ABCA12: variants seen among roughly 807,000 people sequenced by gnomAD.
ABCA12 encodes glucosylceramide transporter ABCA12.
In ABCA12, 156 loss-of-function variants were observed where a neutral mutation model predicts 293.5. That is an observed-to-expected ratio of 0.53 (90% confidence interval 0.47 to 0.61). ABCA12 has a LOEUF of 0.61. Ranked by LOEUF, ABCA12 falls within the 20% of genes least tolerant of loss-of-function variation. The pLI, the probability that ABCA12 is intolerant of heterozygous loss-of-function variation, is 0.00. For synonymous variants in ABCA12, 1,063 were observed against 1,108.0 expected (o/e 0.96, Z 0.81); for missense variants, 2,797 against 3,090.2 (o/e 0.91, Z 2.25).
At position 214,945,078 on chromosome 2, in the gene ABCA12, C is replaced by T. The variant is rs759699877; in HGVS notation, c.7266G>A (p.Pro2422=). ...LLDEPSSGMD[P]KSKRHLWKII... is the part of the protein sequence containing the mutation. ...TCTTCCAGAGGTGCCGTTTCGACTT[C>T]GGATCCATGCCAGAGCTCGGCTCAT... Residue 2422 remains proline, a synonymous_variant, in exon 49 of 53, where the codon CCG becomes CCA. Coordinates refer to ENST00000272895, the MANE Select transcript of ABCA12 (RefSeq NM_173076.3). 9.3e-6 allele frequency: 15 copies of T among 1,613,486 alleles called. No individual in the cohort carries two copies. Among genetic ancestry groups the T allele is most frequent in the Admixed American group, 5.0e-5 (3 of 59,884 alleles).
intron 8 of ABCA12, 21 bp from the exon 9 acceptor site, chr2:215,031,917 T>C (rs368888423): frequency 1.1e-5 from 17 of 1,612,976 alleles, no homozygotes; most frequent in African/African-American, 9.3e-5. Context: ...AATTTTTATA[T>C]AGGTAAACAT....
At chr2:215,084,836 G>A (rs1384130952) in intron 2 of ABCA12, among the ~76,000 whole-genome samples, 1 of 152,120 alleles carries the variant, frequency 6.6e-6, no homozygotes. Flanking sequence ...GCTCACACCA[G>A]TAATCCCAGC....
chr2:215,023,116 T>TA (rs1305590940), intron 11 of ABCA12: 2 of 152,194 alleles, frequency 1.3e-5, no homozygotes, highest in African/African-American at 2.4e-5. Flanking sequence ...GGGTGTGCCC[T>TA]AACTGATGGT....
chr2:215,137,925 T>C (rs1348363355), intron 1 of ABCA12, among the ~76,000 whole-genome samples: 1 of 152,184 alleles, frequency 6.6e-6, no homozygotes, highest in African/African-American at 2.4e-5. Flanking sequence ...GTTTACTCTT[T>C]AATTTACTGA....
rs533498731 is a variant in ABCA12 at position 215,127,010 on chromosome 2, C to T, written c.69+11130G>A. On this transcript the variant is annotated intron_variant, in intron 1 of 52. Transcript: ENST00000272895. ...GTTGTGTCATTATTGTTGTTGAGTT[C>T]GAAGAATTTTTAAATTTCCATATGA... Among the ~76,000 whole-genome samples, 8 of 152,044 alleles carry T rather than the reference C, an allele frequency of 5.3e-5. No homozygotes were observed. In the South Asian group the frequency reaches 6.2e-4, roughly 12 times the overall value.
At chr2:215,065,409 G>A (rs1299350960) in intron 2 of ABCA12, among the ~76,000 whole-genome samples, 1 of 150,164 alleles carries the variant, frequency 6.7e-6, no homozygotes, top group Non-Finnish European at 1.5e-5. Context: ...AGAATGGTAA[G>A]AGCAACATGG....
At chr2:214,999,890 A>T (rs1700105142) in intron 22 of ABCA12, 2 of 936,958 alleles carry the variant, frequency 2.1e-6, no homozygotes, top group Non-Finnish European at 2.5e-6. Flanking sequence ...AAGAAAAAAG[A>T]AGAGAAAAGA....
chr2:215,053,830 G>A (rs1308151905), intron 4 of ABCA12, among the ~76,000 whole-genome samples: 1 of 152,042 alleles, frequency 6.6e-6, no homozygotes, highest in Non-Finnish European at 1.5e-5. Context: ...TAGGGACTTA[G>A]TAAATATTTG....
At chr2:215,134,055 CA>C (rs1219189017) in intron 1 of ABCA12, among the ~76,000 whole-genome samples, 4 of 148,724 alleles carry the variant, frequency 2.7e-5, no homozygotes, top group Middle Eastern at 3.5e-3. Flanking sequence ...TCTTACTTTA[CA>C]AAAAAAAAGA....
intron 37 of ABCA12, among the ~76,000 whole-genome samples, chr2:214,969,714 T>G (rs531878542): frequency 6.6e-6 from 1 of 152,190 alleles, no homozygotes; most frequent in South Asian, 2.1e-4. Context: ...TTTCTAATTA[T>G]TTTTTACAAT....
intron 51 of ABCA12, among the ~76,000 whole-genome samples, chr2:214,936,258 G>C (rs1440329161): frequency 6.6e-6 from 1 of 152,172 alleles, no homozygotes; most frequent in Non-Finnish European, 1.5e-5. Flanking sequence ...CTACCTGCCT[G>C]TTTCTGTATA....
At chr2:215,050,989 A>G (rs865893564) in intron 5 of ABCA12, among the ~76,000 whole-genome samples, 1 of 152,176 alleles carries the variant, frequency 6.6e-6, no homozygotes, top group Non-Finnish European at 1.5e-5. Context: ...CCCTGGATAT[A>G]TAGCTCTGTG....
In ABCA12 at chr2:215,010,453, G is replaced by T; in HGVS notation, c.2350C>A (p.Leu784Ile). ...GGCATGTTAATGATGTCTTTATAAA[G>T]GGAGAAGCAAAATGGTGCTGGAAGG... ...PINSTPFCFS[L>I]YKDIINMPAG... The change falls in exon 18 of 53, where the codon CTT becomes ATT. Residue 784 changes from leucine (L) to isoleucine (I), a missense_variant. By Grantham distance (5) the Leu-to-Ile change is conservative. Coordinates refer to ENST00000272895, the MANE Select transcript of ABCA12 (RefSeq NM_173076.3). 6.2e-7 allele frequency: 1 copy of T among 1,613,662 alleles called. No homozygotes were observed. Among genetic ancestry groups the T allele is most frequent in the Non-Finnish European group, 8.5e-7 (1 of 1,179,694 alleles).
rs1699724538 is a variant in ABCA12 at position 214,983,814 on chromosome 2, A to G, written c.4215T>C (p.Tyr1405=). 6.2e-7 allele frequency: 1 copy of G among 1,613,280 alleles called. No individual in the cohort carries two copies. The highest frequency in any genetic ancestry group is 2.2e-5 in the East Asian group (1 of 44,808). ...FGASAGTIFV[Y]GKDIKTDLHT... Reference sequence around the variant, plus strand: ...GTAGGTCTGTTTTGATATCTTTTCCATATACAAAAATGGTGCCTGCTGAGG... The same window carrying G: ...GTAGGTCTGTTTTGATATCTTTTCCGTATACAAAAATGGTGCCTGCTGAGG... Residue 1405 remains tyrosine, a synonymous_variant, in exon 29 of 53, where the codon TAT becomes TAC. Coordinates refer to ENST00000272895, the MANE Select transcript of ABCA12 (RefSeq NM_173076.3).
At chr2:214,949,377 TAC>T (rs368602071) in intron 45 of ABCA12, among the ~76,000 whole-genome samples, 2,343 of 142,578 alleles carry the variant, frequency 0.016, 24 homozygotes, top group Non-Finnish European at 0.022. Flanking sequence ...TATATATATA[TAC>T]ACACACACAC....
Position 215,015,481 on chromosome 2 carries a change from G to C in ABCA12, c.1956+9C>G, listed in dbSNP as rs1357782085. ...TGAATATAAACATATTTAACCAACAGCAACTTGCCTTGTATGTGAAGTTGT... is the reference window on the plus strand; with the variant it reads ...TGAATATAAACATATTTAACCAACACCAACTTGCCTTGTATGTGAAGTTGT... On this transcript the variant is annotated intron_variant, in intron 15 of 52. Coordinates refer to ENST00000272895, the MANE Select transcript of ABCA12 (RefSeq NM_173076.3). 1 of 1,612,026 alleles carries C rather than the reference G, an allele frequency of 6.2e-7. No homozygotes were observed. The highest frequency in any genetic ancestry group is 8.5e-7 in the Non-Finnish European group (1 of 1,178,312).
chr2:215,038,110 T>C (rs1701027252), intron 7 of ABCA12, among the ~76,000 whole-genome samples: 1 of 152,130 alleles, frequency 6.6e-6, no homozygotes, highest in Admixed American at 6.5e-5. Flanking sequence ...ATGATAGCTG[T>C]TTAGAGAACT....
intron 2 of ABCA12, among the ~76,000 whole-genome samples, chr2:215,095,585 T>G (rs1440372452): frequency 6.6e-6 from 1 of 152,142 alleles, no homozygotes; most frequent in Non-Finnish European, 1.5e-5. Flanking sequence ...TATCTCTCCA[T>G]ACCACCCCCA....
In ABCA12 at chr2:215,001,770, A is replaced by C. The variant is rs771196121; in HGVS notation, c.2684-33T>G. On this transcript the variant is annotated intron_variant, in intron 20 of 52. Coordinates refer to ENST00000272895, the MANE Select transcript of ABCA12 (RefSeq NM_173076.3). ...GGCAAAGCAAAAGAGACAAAAAAAA[A>C]TTATGGTCCTGATTCTGGTCGTAAT... is the stretch of plus-strand genomic sequence containing the variant. 1.3e-5 allele frequency: 21 copies of C among 1,589,906 alleles called. No individual in the cohort carries two copies. The African/African-American group carries it at 2.0e-4, about 15-fold the overall frequency.
Sources: allele counts gnomAD v4.1 joint callset (sites outside exome capture counted in the v4.1 genomes callset), GRCh38; gene constraint gnomAD v4.1.1; transcripts MANE v1.5; gene names NCBI Gene and HGNC (gene_info 2026-07-23, HGNC 2026-07-21).